Variants in ANXA6 observed in about 807,000 individuals in gnomAD.
ANXA6 encodes the protein 67 kDa calelectrin.
Under a neutral mutation model 95.4 loss-of-function variants are expected in ANXA6, and 71 were observed. The ratio of observed to expected loss-of-function variants is 0.74; its 90% CI spans 0.61 to 0.91. ANXA6 has a LOEUF of 0.91. ANXA6 is among the 40% of genes least tolerant of loss of function. The pLI, the probability that ANXA6 is intolerant of heterozygous loss-of-function variation, is 0.00. For synonymous variants in ANXA6, 289 were observed against 315.9 expected (o/e 0.91, Z 0.90); for missense variants, 830 against 876.4 (o/e 0.95, Z 0.67).
intron 19 of ANXA6, 62 bp downstream of exon 19, chr5:151,117,696 C>T: frequency 6.9e-7 from 1 of 1,447,234 alleles, no homozygotes; most frequent in Non-Finnish European, 9.6e-7. Context: ...ACTCAGTAAA[C>T]CTTCCCTTCC....
intron 21 of ANXA6, among the ~76,000 whole-genome samples, chr5:151,110,051 T>C (rs973578053): frequency 6.6e-6 from 1 of 152,148 alleles, no homozygotes; most frequent in Non-Finnish European, 1.5e-5. Context: ...AAGGACCCTG[T>C]GAACTGACAA....
chr5:151,103,722 G>A, intron 24 of ANXA6, 30 bp from the exon 25 acceptor site: 1 of 1,592,402 alleles, frequency 6.3e-7, no homozygotes, highest in East Asian at 2.3e-5. Flanking sequence ...GGGAGACACA[G>A]GCGGAAGGAG....
In ANXA6 at chr5:151,109,714, C is replaced by T. The variant is rs371747400; in HGVS notation, c.1684+39G>A. ...AGAGGCTCTCATCAGATTCTGGGAT[C>T]TTCCTGCTGAGCTGGGAAGGGAGGA... On this transcript the variant is annotated intron_variant, in intron 22 of 25. Transcript: ENST00000354546. The T allele has an allele frequency of 1.6e-4, 243 of 1,508,978 alleles. 1 individual carries two copies. The highest frequency in any genetic ancestry group is 3.9e-5 in the Non-Finnish European group (43 of 1,099,314). The allele number at this position is 1,508,978 out of a possible 1,614,324, so 93.5% of individuals were successfully genotyped here. A position where few individuals can be genotyped will look rare whatever the true frequency, so the allele number is the denominator to read the frequency against.
In ANXA6 at chr5:151,137,218, C is replaced by G. The variant is rs372065055; in HGVS notation, c.409+13G>C. 68 of 1,612,122 alleles carry G rather than the reference C, an allele frequency of 4.2e-5. No homozygotes were observed. The highest frequency in any genetic ancestry group is 5.4e-5 in the Non-Finnish European group (64 of 1,178,622). ...ATCTGAAGATCCTAAGCGGCCCCTC[C>G]TGCCCATCTCACCATCTTTGTATGC... On this transcript the variant is annotated intron_variant, in intron 6 of 25. Transcript: ENST00000354546.
At chr5:151,102,104 A>G (rs1764566462) in intron 25 of ANXA6, among the ~76,000 whole-genome samples, 1 of 152,218 alleles carries the variant, frequency 6.6e-6, no homozygotes, top group African/African-American at 2.4e-5. Context: ...GGTCTGGTAT[A>G]CGTTCAGACT....
rs1425826231 is a variant in ANXA6 at position 151,103,829 on chromosome 5, G to A, written c.1840-137C>T. ...GGCGGATGTTCCACCTCTGTCTTCT[G>A]CAAACAGTCCTGACCAAAATCCCTC... On this transcript the variant is annotated intron_variant, in intron 24 of 25. Coordinates refer to ENST00000354546, the MANE Select transcript of ANXA6 (RefSeq NM_001155.5). 3.5e-6 allele frequency: 4 copies of A among 1,134,918 alleles called. No individual in the cohort carries two copies. The East Asian group carries it at 1.1e-4, about 32-fold the overall frequency. The allele number at this position is 1,134,918 out of a possible 1,614,324, so 70.3% of individuals were successfully genotyped here.
Position 151,107,999 on chromosome 5 carries a change from T to C in ANXA6, c.1780+456A>G, listed in dbSNP as rs1443402571. On this transcript the variant is annotated intron_variant, in intron 23 of 25. Coordinates refer to ENST00000354546, the MANE Select transcript of ANXA6 (RefSeq NM_001155.5). The stretch of plus-strand genomic sequence containing the variant: ...GTCTTGTGGGGGTGTAGCATGTATG[T>C]GTATATATAATGTGTTCTGTGTGTG... 2.6e-5 allele frequency among the ~76,000 whole-genome samples: 4 copies of C among 151,866 alleles called. No homozygotes were observed. In the East Asian group the frequency reaches 5.8e-4, roughly 22 times the overall value.
At chr5:151,131,950 G>T (rs10051414) in intron 10 of ANXA6, among the ~76,000 whole-genome samples, 92,105 of 151,910 alleles carry the variant, frequency 0.61, 28,294 homozygotes, top group South Asian at 0.73. Context: ...CCAAGCCCAT[G>T]TGGGAGAAGC....
At chr5:151,151,787 G>A (rs1028246220) in intron 1 of ANXA6, among the ~76,000 whole-genome samples, 11 of 152,174 alleles carry the variant, frequency 7.2e-5, no homozygotes, top group African/African-American at 2.7e-4. Context: ...TCATCACCTT[G>A]GTTGAAAGAG....
chr5:151,103,639 C>T lies in ANXA6; in HGVS notation c.1893G>A (p.Glu631=), dbSNP rs200248464. The stretch of plus-strand genomic sequence containing the variant: ...CCCTCCGGATGTTGAGCAGGTCAAT[C>T]TCACTGCGGGATACCATGATCCTGG... ...TLTRIMVSRS[E]IDLLNIRREF... Residue 631 remains glutamate (E), a synonymous_variant, in exon 25 of 26, where the codon GAG becomes GAA. Coordinates refer to ENST00000354546, the MANE Select transcript of ANXA6 (RefSeq NM_001155.5). 3.1e-6 allele frequency: 5 copies of T among 1,611,482 alleles called. No homozygotes were observed. The highest frequency in any genetic ancestry group is 4.2e-6 in the Non-Finnish European group (5 of 1,178,834).
intron 9 of ANXA6, 125 bp downstream of exon 9, chr5:151,132,969 A>T: frequency 1.3e-6 from 1 of 771,166 alleles, no homozygotes; most frequent in Non-Finnish European, 2.1e-6. Context: ...ACTCAGGACT[A>T]AAGTTTGGGT....
chr5:151,108,067 C>T (rs774918052), intron 23 of ANXA6, among the ~76,000 whole-genome samples: 4 of 151,520 alleles, frequency 2.6e-5, no homozygotes, highest in Admixed American at 6.6e-5. Context: ...GCATATGTAA[C>T]GTGTTTTATG....
In ANXA6 at chr5:151,140,569, A is replaced by C. The variant is rs546655880; in HGVS notation, c.19-326T>G. On this transcript the variant is annotated intron_variant, in intron 2 of 25. Transcript: ENST00000354546. ...TGAAAATGATCCCTGCAAGAATAGC[A>C]AGAGTCAAATATATATATATATATA... 2.3e-3 allele frequency: 327 copies of C among 140,742 alleles called. 1 individual carries two copies. The highest frequency in any genetic ancestry group is 9.5e-3 in the African/African-American group (313 of 32,902). 8.7% of individuals were successfully genotyped at this position (140,742 alleles called of 1,614,324 possible).
intron 18 of ANXA6, among the ~76,000 whole-genome samples, chr5:151,118,785 C>T (rs2113910886): frequency 6.6e-6 from 1 of 152,012 alleles, no homozygotes. Context: ...CCAGGCTGGT[C>T]TCGAAGTCCT....
At chr5:151,146,127 A>G (rs759589782) in intron 2 of ANXA6, among the ~76,000 whole-genome samples, 2 of 152,200 alleles carry the variant, frequency 1.3e-5, no homozygotes, top group Non-Finnish European at 2.9e-5. Context: ...AAGAAACCAC[A>G]GATCAGCCAG....
chr5:151,121,746 A>G (rs1315027177), intron 17 of ANXA6, among the ~76,000 whole-genome samples: 2 of 152,210 alleles, frequency 1.3e-5, no homozygotes, highest in Non-Finnish European at 2.9e-5. Flanking sequence ...ACCAGTGGGC[A>G]TGTGACTTAA....
intron 5 of ANXA6, among the ~76,000 whole-genome samples, chr5:151,138,470 G>C (rs957728054): frequency 7.9e-5 from 12 of 152,128 alleles, no homozygotes; most frequent in Admixed American, 7.9e-4. Flanking sequence ...ACAAGCTCCT[G>C]GTAAGGGGGT....
rs1197671326 is a variant in ANXA6 at position 151,117,119 on chromosome 5, G to T, written c.1572+8C>A. 1 of 1,587,144 alleles carries T rather than the reference G, an allele frequency of 6.3e-7. No homozygotes were observed. Among genetic ancestry groups the T allele is most frequent in the South Asian group, 1.1e-5 (1 of 88,144 alleles). On this transcript the variant is annotated splice_region_variant and intron_variant, in intron 20 of 25. Transcript: ENST00000354546. Reference sequence around the variant, plus strand: ...GCAGAGGTGACTGGGGTGGGCTGGGGGTCTTACCTGGGCATCTTCCCGTGC... The same window carrying T: ...GCAGAGGTGACTGGGGTGGGCTGGGTGTCTTACCTGGGCATCTTCCCGTGC...
intron 15 of ANXA6, among the ~76,000 whole-genome samples, chr5:151,123,984 C>T (rs550907626): frequency 6.6e-6 from 1 of 152,318 alleles, no homozygotes; most frequent in African/African-American, 2.4e-5. Context: ...GAGTCAGCAG[C>T]AGAGCCAGGG....
Sources: allele counts gnomAD v4.1 joint callset (sites outside exome capture counted in the v4.1 genomes callset), GRCh38; gene constraint gnomAD v4.1.1; transcripts MANE v1.5; gene names NCBI Gene and HGNC (gene_info 2026-07-23, HGNC 2026-07-21).